LINGO2: variants seen among roughly 807,000 people sequenced by gnomAD.
LINGO2 encodes leucine rich repeat and Ig domain containing 2.
A neutral mutation model predicts 30.6 loss-of-function variants in LINGO2; 14 were observed. The ratio of observed to expected loss-of-function variants is 0.46; its 90% CI spans 0.30 to 0.72. The LOEUF (loss-of-function observed/expected upper bound fraction) is 0.72, where lower values mean the gene tolerates loss of function less well. Ranked by LOEUF, LINGO2 falls within the 30% of genes least tolerant of loss-of-function variation. The probability of loss-of-function intolerance (pLI) is 0.07; values close to 1 mark genes in which losing one functional copy is unlikely to be tolerated. For missense variants in LINGO2, 729 were observed against 751.7 expected, an observed-to-expected ratio of 0.97 and a Z score of 0.35; for synonymous variants, 317 against 288.5, an observed-to-expected ratio of 1.10 and a Z score of -1.00.
At chr9:28,301,333 C>T (rs1247945717) in intron 3 of LINGO2, among the ~76,000 whole-genome samples, 1 of 151,780 alleles carries the variant, frequency 6.6e-6, no homozygotes, top group African/African-American at 2.4e-5. Flanking sequence ...GGTCCCATTT[C>T]CACTGCCTTT....
At chr9:28,708,859 G>A in the LINGO2 span, among the ~76,000 whole-genome samples, 21 of 151,876 alleles carry the variant, frequency 1.4e-4, no homozygotes, top group African/African-American at 4.8e-4. Context: ...TCCATGCTGA[G>A]TTTAAATCAA....
intron 3 of LINGO2, among the ~76,000 whole-genome samples, chr9:28,356,776 T>C (rs1210891085): frequency 6.6e-6 from 1 of 152,104 alleles, no homozygotes; most frequent in African/African-American, 2.4e-5. Context: ...TATCAGAAAG[T>C]GCATCCTTCT....
At chr9:29,036,798 C>G in the LINGO2 span, among the ~76,000 whole-genome samples, 17 of 151,816 alleles carry the variant, frequency 1.1e-4, no homozygotes, top group Non-Finnish European at 1.8e-4. Flanking sequence ...CCTTTCCAAA[C>G]TATAATTAAG....
intron 1 of LINGO2, among the ~76,000 whole-genome samples, chr9:28,594,372 C>A (rs1411210866): frequency 6.6e-6 from 1 of 152,078 alleles, no homozygotes; most frequent in African/African-American, 2.4e-5. Context: ...TCAAAATTAT[C>A]AACGTGGTTC....
In LINGO2 at chr9:28,473,432, T is replaced by TAC. The variant is rs138469916; in HGVS notation, c.-279+2506_-279+2507dup. On this transcript the variant is annotated intron_variant, in intron 2 of 5. Coordinates refer to ENST00000379992, the Ensembl canonical transcript of LINGO2. ...TCTCTCACACACACACACATACACA[T>TAC]ACACACACACACACTGTGAGCATGC... 5.2e-4 allele frequency among the ~76,000 whole-genome samples: 78 copies of TAC among 150,480 alleles called. 1 individual carries two copies. In the East Asian group the frequency reaches 5.9e-3, roughly 11 times the overall value.
At chr9:28,930,776 T>C in the LINGO2 span, among the ~76,000 whole-genome samples, 1 of 152,192 alleles carries the variant, frequency 6.6e-6, no homozygotes, top group Non-Finnish European at 1.5e-5. This position sits in a 1 kb window ranked among gnomAD's most constrained non-coding sequence, Gnocchi z 4.2. Flanking sequence ...AAATTCAGGA[T>C]TAGGCTTCAC....
At chr9:29,061,437 A>G in the LINGO2 span, among the ~76,000 whole-genome samples, 2 of 151,980 alleles carry the variant, frequency 1.3e-5, no homozygotes, top group African/African-American at 4.8e-5. Flanking sequence ...AAAGTTTACT[A>G]CAAAGCTACA....
chr9:28,131,618 T>C (rs1285016796), intron 4 of LINGO2, among the ~76,000 whole-genome samples: 3 of 152,164 alleles, frequency 2.0e-5, no homozygotes, highest in East Asian at 1.9e-4. Context: ...AGAGTTTAGC[T>C]GGTAATTTTT....
At chr9:28,395,932 T>A (rs1822022345) in intron 2 of LINGO2, among the ~76,000 whole-genome samples, 1 of 152,210 alleles carries the variant, frequency 6.6e-6, no homozygotes, top group Non-Finnish European at 1.5e-5. Context: ...GATCTTAAGT[T>A]TGGCCCTTTG....
chr9:28,607,071 T>C (rs10968668), intron 1 of LINGO2, among the ~76,000 whole-genome samples: 12,082 of 152,066 alleles, frequency 0.079, 637 homozygotes, highest in East Asian at 0.18. Flanking sequence ...GAAATACCTG[T>C]CTTGGTATTC....
At chr9:29,132,041 C>G in the LINGO2 span, among the ~76,000 whole-genome samples, 1 of 151,790 alleles carries the variant, frequency 6.6e-6, no homozygotes, top group Non-Finnish European at 1.5e-5. Flanking sequence ...GGTGAAGGCA[C>G]AACTGCTGGC....
chr9:28,324,570 G>C (rs942524609), intron 3 of LINGO2, among the ~76,000 whole-genome samples: 3 of 152,150 alleles, frequency 2.0e-5, no homozygotes, highest in African/African-American at 7.2e-5. Flanking sequence ...GGCAATGAAA[G>C]TAACCTCTGG....
At chr9:28,927,759 T>A in the LINGO2 span, among the ~76,000 whole-genome samples, 1 of 152,232 alleles carries the variant, frequency 6.6e-6, no homozygotes, top group Admixed American at 6.5e-5. Flanking sequence ...TGTAGGCATT[T>A]ATATATGTTA....
At chr9:28,259,667 A>T (rs905401040) in intron 4 of LINGO2, among the ~76,000 whole-genome samples, 12 of 151,984 alleles carry the variant, frequency 7.9e-5, no homozygotes, top group Admixed American at 7.9e-4. Flanking sequence ...TGTTAAAAGG[A>T]GACCAGTAGA....
intron 1 of LINGO2, among the ~76,000 whole-genome samples, chr9:28,618,192 A>C (rs1463172500): frequency 6.6e-6 from 1 of 151,926 alleles, no homozygotes; most frequent in Admixed American, 6.6e-5. Context: ...CTAAAACAGA[A>C]CTCTTGCTCC....
rs536591551 is a variant in LINGO2 at position 28,263,912 on chromosome 9, G to A, written c.-87+31296C>T. On this transcript the variant is annotated intron_variant, in intron 4 of 5. Transcript: ENST00000379992. ...GTATGACTGGATTGACATTGCAAGC[G>A]TCTATATATGTATGTCTCCTACGGT... 1.6e-4 allele frequency among the ~76,000 whole-genome samples: 25 copies of A among 151,992 alleles called. 1 individual carries two copies. In the South Asian group the frequency reaches 4.2e-3, roughly 25 times the overall value.
chr9:29,027,404 C>G, the LINGO2 span, among the ~76,000 whole-genome samples: 1 of 152,142 alleles, frequency 6.6e-6, no homozygotes, highest in Non-Finnish European at 1.5e-5. Context: ...ATGGCAGAAT[C>G]TTGGCTCACT....
chr9:27,947,342 T>G (rs114177635), downstream of LINGO2, among the ~76,000 whole-genome samples: 1,176 of 152,250 alleles, frequency 7.7e-3, 18 homozygotes, highest in African/African-American at 0.026. Flanking sequence ...TAACAGTCAT[T>G]AATACAAACT....
intron 1 of LINGO2, among the ~76,000 whole-genome samples, chr9:28,616,922 C>G (rs1051012931): frequency 1.3e-4 from 20 of 152,186 alleles, no homozygotes; most frequent in Non-Finnish European, 2.6e-4. Flanking sequence ...TAAACAGAAA[C>G]TAGGCCAGTA....
Sources: gnomAD v4.1 joint callset for allele counts (sites outside exome capture counted in the v4.1 genomes callset) on GRCh38, gnomAD v4.1.1 for gene constraint, Gnocchi (gnomAD v3.1) non-coding constraint, MANE v1.5 for transcripts, NCBI Gene and HGNC (gene_info 2026-07-23, HGNC 2026-07-21) for gene names.